KCNIP4: variants seen among roughly 807,000 people sequenced by gnomAD.
The protein encoded by KCNIP4 is Kv channel-interacting protein 4.
In KCNIP4, 12 loss-of-function variants were observed where a neutral mutation model predicts 34.0. The observed-to-expected ratio is 0.35, with a 90% CI of 0.23 to 0.57. The LOEUF (loss-of-function observed/expected upper bound fraction) is 0.57, where lower values mean the gene tolerates loss of function less well. Ranked by LOEUF, KCNIP4 falls within the 20% of genes least tolerant of loss-of-function variation. The pLI, the probability that KCNIP4 is intolerant of heterozygous loss-of-function variation, is 0.83. For missense variants in KCNIP4, 238 were observed against 311.7 expected (o/e 0.76, Z 1.78); for synonymous variants, 124 against 102.2 (o/e 1.21, Z -1.29).
chr4:20,815,655 G>C (rs1030350560), intron 3 of KCNIP4, among the ~76,000 whole-genome samples: 4 of 152,094 alleles, frequency 2.6e-5, no homozygotes, highest in African/African-American at 7.2e-5. Context: ...TTCTTGCAAA[G>C]TTCCAGCTCT....
intron 1 of KCNIP4, among the ~76,000 whole-genome samples, chr4:21,288,410 AC>A (rs1224682573): frequency 4.6e-5 from 7 of 152,304 alleles, no homozygotes; most frequent in African/African-American, 1.7e-4. Flanking sequence ...TTATTACAGA[AC>A]AAAAAAAGAG....
intron 1 of KCNIP4, among the ~76,000 whole-genome samples, chr4:21,123,743 G>T (rs1418390863): frequency 2.0e-5 from 3 of 152,082 alleles, no homozygotes; most frequent in Non-Finnish European, 4.4e-5. Context: ...ATGTGGGTGG[G>T]GCCCTCGCAA....
chr4:20,794,801 A>T (rs1197265654), intron 3 of KCNIP4, among the ~76,000 whole-genome samples: 1 of 152,240 alleles, frequency 6.6e-6, no homozygotes, highest in African/African-American at 2.4e-5. Context: ...CATTCAGAGC[A>T]GTCTTTACAT....
intron 1 of KCNIP4, among the ~76,000 whole-genome samples, chr4:21,705,287 A>G (rs115913596): frequency 0.011 from 1,729 of 152,212 alleles, 41 homozygotes; most frequent in African/African-American, 0.039. Context: ...AGTCTTCTGT[A>G]TCCTTATTGT....
chr4:21,845,720 CACTA>C (rs892636354), intron 1 of KCNIP4: 1 of 152,070 alleles, frequency 6.6e-6, no homozygotes, highest in Admixed American at 6.6e-5. Flanking sequence ...GCACCAGACT[CACTA>C]ACTGCCTAAG....
intron 1 of KCNIP4, among the ~76,000 whole-genome samples, chr4:21,719,548 T>C (rs146088094): frequency 1.3e-5 from 2 of 152,296 alleles, no homozygotes; most frequent in East Asian, 3.9e-4. Context: ...GCTGAATAAA[T>C]AAATGATGCA....
At chr4:21,227,835 A>C (rs994162567) in intron 1 of KCNIP4, among the ~76,000 whole-genome samples, 2 of 152,148 alleles carry the variant, frequency 1.3e-5, no homozygotes, top group African/African-American at 4.8e-5. Context: ...TAGAGCTGAC[A>C]TACTCCTGGA....
chr4:21,065,767 AC>A (rs1197228203), intron 1 of KCNIP4, among the ~76,000 whole-genome samples: 4 of 96,242 alleles, frequency 4.2e-5, no homozygotes, highest in Non-Finnish European at 8.8e-5. Context: ...TATATATATA[AC>A]TCAATTTTAT....
At chr4:21,736,464 T>C (rs532605774) in intron 1 of KCNIP4, among the ~76,000 whole-genome samples, 2 of 152,336 alleles carry the variant, frequency 1.3e-5, no homozygotes, top group South Asian at 4.1e-4. Flanking sequence ...ATTCAACAAG[T>C]ATTTCATGAT....
chr4:20,947,778 C>G (rs928368798), intron 1 of KCNIP4, among the ~76,000 whole-genome samples: 4 of 152,194 alleles, frequency 2.6e-5, no homozygotes, highest in African/African-American at 9.7e-5. Context: ...TTACCACATG[C>G]ACATACTGGG....
intron 1 of KCNIP4, among the ~76,000 whole-genome samples, chr4:21,782,981 A>G (rs1166933774): frequency 2.6e-5 from 4 of 152,176 alleles, no homozygotes; most frequent in African/African-American, 9.6e-5. Context: ...TAGGGACAAC[A>G]AATTAGTAGC....
chr4:21,090,307 T>C (rs961483018), intron 1 of KCNIP4, among the ~76,000 whole-genome samples: 3 of 152,302 alleles, frequency 2.0e-5, no homozygotes, highest in Admixed American at 2.0e-4. Flanking sequence ...GTGACACAGA[T>C]AGATTATTTA....
chr4:20,851,609 A>G (rs1721029024), intron 2 of KCNIP4, among the ~76,000 whole-genome samples: 1 of 132,740 alleles, frequency 7.5e-6, no homozygotes, highest in African/African-American at 2.5e-5. Flanking sequence ...GAATCACCAC[A>G]CTACCTTCCA....
intron 1 of KCNIP4, among the ~76,000 whole-genome samples, chr4:21,484,193 G>A (rs1731707089): frequency 6.8e-6 from 1 of 146,868 alleles, no homozygotes; most frequent in Non-Finnish European, 1.5e-5. Context: ...TTGGGAGGCT[G>A]AGGTGGGCAG....
Position 20,729,630 on chromosome 4 carries a change from T to TAGAAAACCATTCAAAACCCTAGGACTG in KCNIP4, c.*451_*452insCAGTCCTAGGGTTTTGAATGGTTTTCT. The TAGAAAACCATTCAAAACCCTAGGACTG allele has an allele frequency of 6.7e-6, 1 of 149,190 alleles. No individual in the cohort carries two copies. Among genetic ancestry groups the TAGAAAACCATTCAAAACCCTAGGACTG allele is most frequent in the Admixed American group, 6.7e-5 (1 of 14,898 alleles). The allele number at this position is 149,190 out of a possible 1,614,324, so 9.2% of individuals were successfully genotyped here. On this transcript the variant is annotated 3_prime_UTR_variant, in exon 9 of 9. Transcript: ENST00000382152. Reference sequence around the variant, plus strand: ...TATATAAATGGAATTTAAATGGAATTACAGCATTCAAACATGAAAATTAAT... The same window carrying TAGAAAACCATTCAAAACCCTAGGACTG: ...TATATAAATGGAATTTAAATGGAATTAGAAAACCATTCAAAACCCTAGGACTGACAGCATTCAAACATGAAAATTAAT...
intron 1 of KCNIP4, among the ~76,000 whole-genome samples, chr4:21,342,516 A>C (rs16870878): frequency 0.11 from 16,854 of 152,098 alleles, 1,064 homozygotes; most frequent in East Asian, 0.16. Flanking sequence ...TCACTGCTGG[A>C]GTTAGAACAC....
At chr4:21,287,029 C>T (rs527924172) in intron 1 of KCNIP4, among the ~76,000 whole-genome samples, 1 of 152,230 alleles carries the variant, frequency 6.6e-6, no homozygotes, top group African/African-American at 2.4e-5. Context: ...ATATTTTGAG[C>T]TTCTGGGAAG....
chr4:21,816,890 C>T (rs1489349673), intron 1 of KCNIP4, among the ~76,000 whole-genome samples: 1 of 152,194 alleles, frequency 6.6e-6, no homozygotes, highest in African/African-American at 2.4e-5. Context: ...CTTGACCTCA[C>T]TGCCCTTAGT....
chr4:20,763,989 T>C (rs1017008675), intron 3 of KCNIP4, among the ~76,000 whole-genome samples: 1 of 152,096 alleles, frequency 6.6e-6, no homozygotes, highest in Non-Finnish European at 1.5e-5. Flanking sequence ...TGAGCATGAA[T>C]TTTTTCATTA....
Sources: allele counts gnomAD v4.1 joint callset (sites outside exome capture counted in the v4.1 genomes callset), GRCh38; gene constraint gnomAD v4.1.1; transcripts MANE v1.5; gene names NCBI Gene and HGNC (gene_info 2026-07-23, HGNC 2026-07-21).